Variants in NTRK2 observed in about 807,000 individuals in gnomAD.
NTRK2 encodes neurotrophic receptor tyrosine kinase 2, also known as BDNF/NT-3 growth factors receptor.
A neutral mutation model predicts 94.5 loss-of-function variants in NTRK2; 13 were observed. That is an observed-to-expected ratio of 0.14 (90% CI 0.09 to 0.22). The LOEUF is 0.22. Among genes scored for constraint, NTRK2 ranks in the 10% least tolerant of loss-of-function variants. The probability of loss-of-function intolerance (pLI) is 1.00; values close to 1 mark genes in which losing one functional copy is unlikely to be tolerated. For synonymous variants in NTRK2, 372 were observed against 407.4 expected (o/e 0.91, Z 1.05); for missense variants, 639 against 1,071.2 (o/e 0.60, Z 5.63).
At chr9:84,975,762 A>ATATTCACACAAATTGTGTGAATTG (rs985357314) in intron 17 of NTRK2, among the ~76,000 whole-genome samples, 38 of 146,376 alleles carry the variant, frequency 2.6e-4, no homozygotes, top group Admixed American at 6.0e-4. Flanking sequence ...AATATGTGTG[A>ATATTCACACAAATTGTGTGAATTG]TATTCACACA....
chr9:84,706,156 T>A (rs1376232189), intron 4 of NTRK2, among the ~76,000 whole-genome samples: 1 of 152,062 alleles, frequency 6.6e-6, no homozygotes, highest in Non-Finnish European at 1.5e-5. Flanking sequence ...AACTTCCTGG[T>A]GGATTATTTT....
chr9:84,872,086 C>G, intron 14 of NTRK2: 1 of 1,349,462 alleles, frequency 7.4e-7, no homozygotes. Flanking sequence ...CAAGATGGAG[C>G]TGAGGAGCTC....
rs542116002 is a variant in NTRK2, at chr9:84,935,346, A to G, written c.1764+1054A>G. 7.7e-4 allele frequency among the ~76,000 whole-genome samples: 117 copies of G among 152,358 alleles called. 2 individuals carry two copies. The highest frequency in any genetic ancestry group is 2.7e-3 in the African/African-American group (113 of 41,588). Reference sequence around the variant, plus strand: ...ATACTTAACATTAAAATGTTTCAGTACATACATAATGGGCACAACTGAGAA... The same window carrying G: ...ATACTTAACATTAAAATGTTTCAGTGCATACATAATGGGCACAACTGAGAA... On this transcript the variant is annotated intron_variant, in intron 15 of 18. Coordinates refer to ENST00000277120, the MANE Select transcript of NTRK2 (RefSeq NM_006180.6).
At chr9:84,786,379 G>T (rs1423038987) in intron 12 of NTRK2, among the ~76,000 whole-genome samples, 2 of 152,176 alleles carry the variant, frequency 1.3e-5, no homozygotes, top group Admixed American at 1.3e-4. Flanking sequence ...GGCCTCACCT[G>T]TGTGTAGGGG....
At chr9:84,865,434 C>T (rs949547694) in intron 13 of NTRK2, among the ~76,000 whole-genome samples, 3 of 152,090 alleles carry the variant, frequency 2.0e-5, no homozygotes, top group Admixed American at 2.0e-4. Context: ...GTTATCACTA[C>T]AAACTGTGAT....
intron 8 of NTRK2, among the ~76,000 whole-genome samples, chr9:84,726,644 A>C (rs1429352845): frequency 6.6e-6 from 1 of 152,186 alleles, no homozygotes; most frequent in Non-Finnish European, 1.5e-5. Flanking sequence ...CTGAGAGGGA[A>C]GGGCCACTGT....
chr9:84,709,297 G>A (rs1778932), intron 5 of NTRK2, among the ~76,000 whole-genome samples: 90,424 of 152,066 alleles, frequency 0.59, 27,127 homozygotes, highest in East Asian at 0.71. Flanking sequence ...CATAATTGAA[G>A]CATTCCTTTC....
intron 10 of NTRK2, among the ~76,000 whole-genome samples, chr9:84,743,981 G>T (rs145912689): frequency 6.6e-6 from 1 of 152,174 alleles, no homozygotes; most frequent in East Asian, 1.9e-4. Flanking sequence ...AATTTAAATT[G>T]GTTGCCCTGA....
intron 10 of NTRK2, among the ~76,000 whole-genome samples, chr9:84,743,785 G>A (rs2063839103): frequency 6.6e-6 from 1 of 152,190 alleles, no homozygotes. Context: ...GCTATAACAT[G>A]AAGAGGGAAA....
chr9:84,907,107 C>A (rs114417362), intron 14 of NTRK2, among the ~76,000 whole-genome samples: 2 of 152,054 alleles, frequency 1.3e-5, no homozygotes, highest in African/African-American at 4.8e-5. Context: ...ACATGGAAAT[C>A]TACTTTAAAC....
chr9:84,771,326 T>G (rs2066523735), intron 12 of NTRK2, among the ~76,000 whole-genome samples: 1 of 152,164 alleles, frequency 6.6e-6, no homozygotes, highest in Non-Finnish European at 1.5e-5. Flanking sequence ...AGAAAATGAC[T>G]TCCTCGGCCC....
At position 84,707,912 on chromosome 9, in the gene NTRK2, T is replaced by A; in HGVS notation, c.428T>A (p.Leu143Gln). ...TTCCGTCACCTTGACTTGTCTGAAC[T>A]GTAAGTAATGATTTTGTGTGGCATT... ...KHFRHLDLSE[L>Q]ILVGNPFTCS... The change falls in exon 5 of 19, where the codon CTG becomes CAG. Residue 143 changes from leucine (L) to glutamine (Q), a missense_variant and splice_region_variant. This residue lies in a region of NTRK2 where 206 missense variants were observed against 251.5 expected (regional missense o/e 0.82). Transcript: ENST00000277120. The A allele has an allele frequency of 1.2e-6, 2 of 1,611,458 alleles. No homozygotes were observed. The highest frequency in any genetic ancestry group is 1.7e-6 in the Non-Finnish European group (2 of 1,177,964).
intron 14 of NTRK2, among the ~76,000 whole-genome samples, chr9:84,871,010 C>T (rs952037589): frequency 7.9e-5 from 12 of 152,086 alleles, no homozygotes; most frequent in African/African-American, 2.4e-4. Flanking sequence ...ATAATAAAGA[C>T]GATTCATTAC....
intron 16 of NTRK2, among the ~76,000 whole-genome samples, chr9:84,955,050 T>C (rs978897933): frequency 7.2e-5 from 11 of 152,180 alleles, no homozygotes; most frequent in African/African-American, 2.7e-4. Flanking sequence ...GTCCTGGGAA[T>C]TCCAGACTCT....
chr9:84,958,880 C>G (rs1160430795), intron 17 of NTRK2, among the ~76,000 whole-genome samples: 1 of 152,142 alleles, frequency 6.6e-6, no homozygotes, highest in Non-Finnish European at 1.5e-5. Flanking sequence ...GGGGCCCATT[C>G]TGTTGAGTTT....
At chr9:84,693,465 G>C (rs991245742) in intron 2 of NTRK2, among the ~76,000 whole-genome samples, 3 of 152,072 alleles carry the variant, frequency 2.0e-5, no homozygotes, top group Non-Finnish European at 2.9e-5. Context: ...GAGAAATACA[G>C]AGTGTAATTT....
At chr9:84,723,749 G>C in intron 7 of NTRK2, 40 bp downstream of exon 7, 3 of 1,612,862 alleles carry the variant, frequency 1.9e-6, no homozygotes, top group Non-Finnish European at 2.5e-6. Flanking sequence ...AGAGAGACAA[G>C]AGTGTTTCAG....
At chr9:84,970,695 C>T (rs1320455837) in intron 17 of NTRK2, among the ~76,000 whole-genome samples, 1 of 152,164 alleles carries the variant, frequency 6.6e-6, no homozygotes, top group East Asian at 1.9e-4. Flanking sequence ...TACCCAAGAG[C>T]CTTGCTGAAA....
At chr9:84,796,388 G>A (rs989794414) in intron 12 of NTRK2, among the ~76,000 whole-genome samples, 17 of 152,126 alleles carry the variant, frequency 1.1e-4, no homozygotes, top group Admixed American at 9.2e-4. Flanking sequence ...TTACCTTCTA[G>A]CTATATCTCA....
Sources: allele counts gnomAD v4.1 joint callset (sites outside exome capture counted in the v4.1 genomes callset), GRCh38; gene constraint gnomAD v4.1.1; regional missense constraint gnomAD v4.1.1; transcripts MANE v1.5; gene names NCBI Gene and HGNC (gene_info 2026-07-23, HGNC 2026-07-21).